CCDC78: variants seen among roughly 807,000 people sequenced by gnomAD.
CCDC78 encodes the protein coiled-coil domain-containing protein 78.
Under a neutral mutation model 61.9 loss-of-function variants are expected in CCDC78, and 78 were observed. The ratio of observed to expected loss-of-function variants is 1.26; its 90% CI spans 1.05 to 1.52. The LOEUF (loss-of-function observed/expected upper bound fraction) is 1.52. CCDC78 is among the 40% of genes most tolerant of loss of function. The pLI is 0.00. For missense variants in CCDC78, 737 were observed against 615.5 expected (o/e 1.20, Z -2.09); for synonymous variants, 287 against 251.9 (o/e 1.14, Z -1.32).
In CCDC78 at chr16:725,406, T is replaced by C. The variant is rs751070375; in HGVS notation, c.435+7A>G. The stretch of plus-strand genomic sequence containing the variant: ...CCCAGCCAGGCTCTCCATATGCTCA[T>C]GGTAACCTGGAATCTGTGGTCATCA... On this transcript the variant is annotated splice_region_variant and intron_variant, in intron 4 of 13. Transcript: ENST00000345165. The C allele has an allele frequency of 4.3e-6, 7 of 1,612,410 alleles. No homozygotes were observed. In the Admixed American group the frequency reaches 5.0e-5, roughly 12 times the overall value.
In CCDC78 at chr16:725,226, T is replaced by C. The variant is rs779748736; in HGVS notation, c.492+11A>G. The C allele has an allele frequency of 6.2e-7, 1 of 1,609,400 alleles. No individual in the cohort carries two copies. Among genetic ancestry groups the C allele is most frequent in the East Asian group, 2.2e-5 (1 of 44,886 alleles). On this transcript the variant is annotated intron_variant, in intron 5 of 13. Transcript: ENST00000345165. Reference sequence around the variant, plus strand: ...TGCCCTCTCCCCTGAGCTAGGTGGCTGCACACTCACGCCGCTCCCCAGCCT... The same window carrying C: ...TGCCCTCTCCCCTGAGCTAGGTGGCCGCACACTCACGCCGCTCCCCAGCCT...
intron 13 of CCDC78, 21 bp downstream of exon 13, chr16:722,901 C>CT: frequency 6.2e-7 from 1 of 1,610,954 alleles, no homozygotes; most frequent in Admixed American, 1.7e-5. Flanking sequence ...CCTGGGGTCA[C>CT]ACCCAGCTCC....
rs113597894 is a variant in CCDC78 at position 722,644 on chromosome 16, G to A, written c.*34C>T. 65 of 1,591,260 alleles carry A rather than the reference G, an allele frequency of 4.1e-5. 3 individuals are homozygous for A. The African/African-American group carries it at 4.5e-4, about 11-fold the overall frequency. ...GTGGGAGGGTTCTGTGCTGGCTGAG[G>A]AGCTCTGCTCTGCTCTGCTCCTTGG... On this transcript the variant is annotated 3_prime_UTR_variant, in exon 14 of 14. Coordinates refer to ENST00000345165, the MANE Select transcript of CCDC78 (RefSeq NM_001378030.1).
intron 6 of CCDC78, 23 bp downstream of exon 6, chr16:725,055 C>T: frequency 6.2e-7 from 1 of 1,612,612 alleles, no homozygotes; most frequent in Non-Finnish European, 8.5e-7. Flanking sequence ...CAGGATGGGG[C>T]CCCAGGTGAG....
chr16:722,694 C>G lies in CCDC78; in HGVS notation c.1397G>C (p.Arg466Thr), dbSNP rs1479804191. The G allele has an allele frequency of 1.9e-6, 3 of 1,608,292 alleles. No individual in the cohort carries two copies. The highest frequency in any genetic ancestry group is 2.2e-5 in the East Asian group (1 of 44,876). ...AVPPAKPQHP[R>T]TGSH is the part of the protein sequence containing the mutation. ...GGAGACGGCCTAGTGGCTGCCGGTC[C>G]TTGGATGCTGGGGCTTGGCTGGAGG... is the stretch of plus-strand genomic sequence containing the variant. The change falls in exon 14 of 14, where the codon AGG (arginine) becomes ACG (threonine). Residue 466 changes from arginine (R) to threonine (T), a missense_variant. Physicochemically the swap from Arg to Thr is moderately conservative, Grantham distance 71. Coordinates refer to ENST00000345165, the MANE Select transcript of CCDC78 (RefSeq NM_001378030.1).
chr16:726,420 T>C lies in CCDC78; in HGVS notation c.-53A>G. The C allele has an allele frequency of 6.6e-7, 1 of 1,503,810 alleles. No homozygotes were observed. Among genetic ancestry groups the C allele is most frequent in the Non-Finnish European group, 8.8e-7 (1 of 1,136,598 alleles). 93.2% of individuals were successfully genotyped at this position (1,503,810 alleles called of 1,614,324 possible). Reference sequence around the variant, plus strand: ...GCCCGGTGCTGCCTCCACGCCCGGCTTCCCCATGGCTGCTGCTGCCACTGG... The same window carrying C: ...GCCCGGTGCTGCCTCCACGCCCGGCCTCCCCATGGCTGCTGCTGCCACTGG... On this transcript the variant is annotated 5_prime_UTR_variant, in exon 1 of 14. Transcript: ENST00000345165.
chr16:723,361 C>G (rs1463700657), intron 11 of CCDC78, 200 bp from the exon 12 acceptor site: 1 of 720,194 alleles, frequency 1.4e-6, no homozygotes, highest in Non-Finnish European at 2.5e-6. Context: ...AGCCCGGGCC[C>G]AGGGGGTCTG....
Position 725,000 on chromosome 16 carries a change from G to A in CCDC78, c.561-11C>T, listed in dbSNP as rs747308201. The stretch of plus-strand genomic sequence containing the variant: ...CGGCCCAGGGTTGCCCTGAAGACAC[G>A]GGGGTGAGGCTCAGCAGGCCCACGA... On this transcript the variant is annotated splice_polypyrimidine_tract_variant and intron_variant, in intron 6 of 13. Transcript: ENST00000345165. 11 of 1,612,220 alleles carry A rather than the reference G, an allele frequency of 6.8e-6. No individual in the cohort carries two copies. Among genetic ancestry groups the A allele is most frequent in the African/African-American group, 2.7e-5 (2 of 75,036 alleles).
chr16:723,314 C>CT (rs58842228), intron 11 of CCDC78, 153 bp from the exon 12 acceptor site: 8 of 724,176 alleles, frequency 1.1e-5, no homozygotes, highest in East Asian at 6.1e-5. Context: ...TCCTGTGGCG[C>CT]CCCCCCCAGG....
chr16:723,892 G>A lies in CCDC78; in HGVS notation c.1098C>T (p.Pro366=), dbSNP rs140104512. ...GALLSSPKKR[P]GGASQGGTSE... Reference sequence around the variant, plus strand: ...ATGTTCCCCCCTGGGAGGCTCCACCGGGTCTCTTTTTTGGGGATGAGAGCA... The same window carrying A: ...ATGTTCCCCCCTGGGAGGCTCCACCAGGTCTCTTTTTTGGGGATGAGAGCA... The change falls in exon 11 of 14, where the codon CCC becomes CCT. Residue 366 remains proline (P), a synonymous_variant. Transcript: ENST00000345165. 1,700 of 1,599,834 alleles carry A rather than the reference G, an allele frequency of 1.1e-3. 4 individuals carry two copies. The highest frequency in any genetic ancestry group is 9.9e-4 in the Non-Finnish European group (1,156 of 1,173,498).
chr16:723,980 G>A (rs1486535007), intron 10 of CCDC78, 44 bp from the exon 11 acceptor site: 2 of 1,583,428 alleles, frequency 1.3e-6, no homozygotes, highest in Non-Finnish European at 1.7e-6. Flanking sequence ...GCTGAACAAG[G>A]CAAGCCCCTC....
Position 724,373 on chromosome 16 carries a change from T to C in CCDC78, c.902A>G (p.Lys301Arg), listed in dbSNP as rs2040618422. ...CCTGCGGCTCAGATCCACCAGCCTC[T>C]TGTGGTAGCTGCGGGCAGCCCGGGC... ...QLARAARSYHKRLVDLSRRHE... is the reference protein window; with the variant it reads ...QLARAARSYHRRLVDLSRRHE... The change falls in exon 9 of 14, where the codon AAG (lysine) becomes AGG (arginine). Residue 301 changes from lysine to arginine, a missense_variant. By Grantham distance (26) the Lys-to-Arg change is conservative. Coordinates refer to ENST00000345165, the MANE Select transcript of CCDC78 (RefSeq NM_001378030.1). 1.9e-6 allele frequency: 3 copies of C among 1,612,288 alleles called. No individual in the cohort carries two copies. The highest frequency in any genetic ancestry group is 2.5e-6 in the Non-Finnish European group (3 of 1,179,926).
At chr16:724,591 G>A (rs545339703) in intron 8 of CCDC78, 82 bp from the exon 9 acceptor site, 1 of 1,560,952 alleles carries the variant, frequency 6.4e-7, no homozygotes, top group Non-Finnish European at 8.6e-7. Context: ...GCTGAGCAGT[G>A]CCGGGGCCCT....
chr16:726,231 C>A (rs1596643726), intron 1 of CCDC78, 77 bp downstream of exon 1: 1 of 1,550,152 alleles, frequency 6.5e-7, no homozygotes, highest in Non-Finnish European at 8.7e-7. Flanking sequence ...GGTGCAGGAA[C>A]CTGCACCCTC....
Position 723,022 on chromosome 16 carries a change from C to A in CCDC78, c.1201G>T (p.Ala401Ser). The part of the protein sequence containing the change: ...KLRDFSRSTQ[A>S]ELERERAQLL... Reference sequence around the variant, plus strand: ...TGTGCCCGCTCCCGTTCCAGCTCTGCCTGGCATGGGGATGTAAGCCATGAG... The same window carrying A: ...TGTGCCCGCTCCCGTTCCAGCTCTGACTGGCATGGGGATGTAAGCCATGAG... The change falls in exon 13 of 14, where the codon GCA becomes TCA. Residue 401 changes from alanine to serine, a missense_variant and splice_region_variant. Ala to Ser is a moderately conservative substitution (Grantham distance 99). Coordinates refer to ENST00000345165, the MANE Select transcript of CCDC78 (RefSeq NM_001378030.1). 1 of 1,612,586 alleles carries A rather than the reference C, an allele frequency of 6.2e-7. No homozygotes were observed. The highest frequency in any genetic ancestry group is 8.5e-7 in the Non-Finnish European group (1 of 1,180,004).
chr16:724,095 T>G lies in CCDC78; in HGVS notation c.1053+11A>C. 3.2e-6 allele frequency: 5 copies of G among 1,584,354 alleles called. No homozygotes were observed. The highest frequency in any genetic ancestry group is 4.3e-6 in the Non-Finnish European group (5 of 1,165,470). ...CCCGGGCCTGGAGCTTCTGGGGGTC[T>G]CTAGCCTCACCTGGTCCTCCCGATG... is the stretch of plus-strand genomic sequence containing the variant. On this transcript the variant is annotated intron_variant, in intron 10 of 13. Transcript: ENST00000345165.
rs761306741 is a variant in CCDC78, at chr16:725,561, C to T, written c.287G>A (p.Arg96Gln). 3.2e-5 allele frequency: 51 copies of T among 1,609,598 alleles called. No individual in the cohort carries two copies. The highest frequency in any genetic ancestry group is 4.5e-5 in the East Asian group (2 of 44,836). ...LKSEILRLES[R>Q]VLELELRGDG... ...TCCTCGCAGCTCCAGCTCCAGTACC[C>T]GGCTCTCCAGCCGAAGGATCTGTGG... The change falls in exon 4 of 14, where the codon CGG becomes CAG. Residue 96 changes from arginine to glutamine, a missense_variant. Physicochemically the swap from Arg to Gln is conservative, Grantham distance 43 (BLOSUM62 1). Coordinates refer to ENST00000345165, the MANE Select transcript of CCDC78 (RefSeq NM_001378030.1).
At position 726,330 on chromosome 16, in the gene CCDC78, G is replaced by GT; in HGVS notation, c.37_38insA (p.Pro13HisfsTer43). The GT allele has an allele frequency of 4.5e-6, 7 of 1,547,820 alleles. No homozygotes were observed. The highest frequency in any genetic ancestry group is 5.2e-6 in the Non-Finnish European group (6 of 1,146,606). On this transcript the variant is annotated frameshift_variant, in exon 1 of 14. Coordinates refer to ENST00000345165, the MANE Select transcript of CCDC78 (RefSeq NM_001378030.1). LOFTEE classifies it high-confidence loss of function. ...CACATTCTCCACCCGCCGAGAGGGAGGTCCAGGCCTGGGGCCTGTGGTGGC... is the reference window on the plus strand; with the variant it reads ...CACATTCTCCACCCGCCGAGAGGGAGTGTCCAGGCCTGGGGCCTGTGGTGGC...
Position 726,012 on chromosome 16 carries a change from G to A in CCDC78, c.134C>T (p.Ala45Val). The change falls in exon 2 of 14, where the codon GCA becomes GTA. Residue 45 changes from alanine to valine, a missense_variant. Ala to Val is a moderately conservative substitution (Grantham distance 64). Coordinates refer to ENST00000345165, the MANE Select transcript of CCDC78 (RefSeq NM_001378030.1). ...GTAVWATSLE[A>V]EVPPDLALNK... ...GAGCGCTAGATCTGGTGGGACCTCT[G>A]CTTCCAAGCTGGTGGCCCACACTGC... 1.3e-6 allele frequency: 2 copies of A among 1,549,398 alleles called. No individual in the cohort carries two copies. The highest frequency in any genetic ancestry group is 1.4e-5 in the African/African-American group (1 of 73,204).
Sources: gnomAD v4.1 joint callset for allele counts on GRCh38, gnomAD v4.1.1 for gene constraint, MANE v1.5 for transcripts, NCBI Gene and HGNC (gene_info 2026-07-23, HGNC 2026-07-21) for gene names.